Variants in AKAP10 observed in about 807,000 individuals in gnomAD.
AKAP10 encodes A-kinase anchor protein 10, mitochondrial.
Under a neutral mutation model 80.8 loss-of-function variants are expected in AKAP10, and 24 were observed. The ratio of observed to expected loss-of-function variants is 0.30; its 90% CI spans 0.22 to 0.42. The LOEUF (loss-of-function observed/expected upper bound fraction) is 0.42, where lower values mean the gene tolerates loss of function less well. Ranked by LOEUF, AKAP10 falls within the 10% of genes least tolerant of loss-of-function variation. AKAP10 has a pLI of 1.00. For missense variants in AKAP10, 661 were observed against 794.9 expected, an observed-to-expected ratio of 0.83 and a Z score of 2.03; for synonymous variants, 291 against 277.7, an observed-to-expected ratio of 1.05 and a Z score of -0.48.
chr17:19,959,350 T>G (rs572215075), intron 3 of AKAP10, among the ~76,000 whole-genome samples: 68 of 152,154 alleles, frequency 4.5e-4, no homozygotes, highest in Non-Finnish European at 8.7e-4. Flanking sequence ...TAGGCAACAC[T>G]CTCATTCGCT....
intron 5 of AKAP10, chr17:19,947,143 G>A (rs533276494): frequency 3.1e-5 from 13 of 421,678 alleles, no homozygotes; most frequent in African/African-American, 1.2e-4. Flanking sequence ...GCCGCCCGCC[G>A]GCCCGGCTGC....
intron 9 of AKAP10, among the ~76,000 whole-genome samples, chr17:19,932,631 C>A (rs2042948642): frequency 6.6e-6 from 1 of 151,978 alleles, no homozygotes; most frequent in Non-Finnish European, 1.5e-5. Context: ...AGTCTTTGTG[C>A]ATATATTGAT....
At chr17:19,956,175 G>GT (rs1478073830) in intron 4 of AKAP10, among the ~76,000 whole-genome samples, 4 of 152,162 alleles carry the variant, frequency 2.6e-5, no homozygotes, top group African/African-American at 9.7e-5. Flanking sequence ...TACAGGATCA[G>GT]TACGAGCACC....
At position 19,962,878 on chromosome 17, in the gene AKAP10, T is replaced by G; in HGVS notation, c.281A>C (p.Gln94Pro). 2 of 1,614,134 alleles carry G rather than the reference T, an allele frequency of 1.2e-6. No homozygotes were observed. The highest frequency in any genetic ancestry group is 1.7e-6 in the Non-Finnish European group (2 of 1,179,978). ...ATGAGCGGCCTCCATGTGGCTTGGC[T>G]GCTTCTTAAGTGTGGCTGTCCTGCT... ...SSSRTATLKK[Q>P]PSHMEAAHFG... is the part of the protein sequence containing the mutation. The change falls in exon 3 of 15, where the codon CAG becomes CCG. Residue 94 changes from glutamine to proline, a missense_variant. By Grantham distance (76) the Gln-to-Pro change is moderately conservative. Coordinates refer to ENST00000225737, the MANE Select transcript of AKAP10 (RefSeq NM_007202.4).
At position 19,958,478 on chromosome 17, in the gene AKAP10, T is replaced by G; in HGVS notation, c.413A>C (p.Tyr138Ser). 5.6e-6 allele frequency: 9 copies of G among 1,613,946 alleles called. No individual in the cohort carries two copies. Among genetic ancestry groups the G allele is most frequent in the Non-Finnish European group, 7.6e-6 (9 of 1,180,038 alleles). Residue 138 changes from tyrosine (Y) to serine (S), a missense_variant, in exon 4 of 15, where the codon TAC (tyrosine) becomes TCC (serine). Tyr to Ser is a moderately radical substitution (Grantham distance 144). Transcript: ENST00000225737. ...QVLHDTIVLP[Y>S]FIQFMELRRM... ...CCGAAGTTCCATGAATTGAATGAAG[T>G]AAGGGAGGACAATAGTGTCGTGCAA...
chr17:19,943,582 T>C lies in AKAP10; in HGVS notation c.977-1672A>G, dbSNP rs547960619. On this transcript the variant is annotated intron_variant, in intron 5 of 14. Transcript: ENST00000225737. ...ATACCTTGCCCATGCATCTCTTCCATCTGCCTGTTCAATCTGTATCCTTTG... is the reference window on the plus strand; with the variant it reads ...ATACCTTGCCCATGCATCTCTTCCACCTGCCTGTTCAATCTGTATCCTTTG... 4.6e-5 allele frequency among the ~76,000 whole-genome samples: 7 copies of C among 152,362 alleles called. No homozygotes were observed. The East Asian group carries it at 1.2e-3, about 25-fold the overall frequency.
chr17:19,946,477 A>C (rs1021662714), intron 5 of AKAP10, among the ~76,000 whole-genome samples: 10 of 148,050 alleles, frequency 6.8e-5, no homozygotes, highest in Non-Finnish European at 1.5e-4. Flanking sequence ...TTCATCTATA[A>C]AATAACTGTA....
At chr17:19,947,265 T>TA (rs1326692942) in intron 5 of AKAP10, 142 bp downstream of exon 5, 5 of 679,806 alleles carry the variant, frequency 7.4e-6, no homozygotes, top group Non-Finnish European at 1.3e-5. Flanking sequence ...TAATCCGATA[T>TA]AAAAAATACT....
intron 2 of AKAP10, among the ~76,000 whole-genome samples, chr17:19,966,341 G>T (rs1040154921): frequency 6.6e-6 from 1 of 151,940 alleles, no homozygotes; most frequent in Non-Finnish European, 1.5e-5. Context: ...TCTAGGCTAA[G>T]CCATCTGTGG....
intron 10 of AKAP10, among the ~76,000 whole-genome samples, chr17:19,928,054 T>C (rs1170722226): frequency 6.6e-6 from 1 of 151,798 alleles, no homozygotes. Context: ...ACCCTGTCAC[T>C]AGTAAAAATA....
intron 8 of AKAP10, 147 bp downstream of exon 8, chr17:19,939,566 C>G: frequency 1.1e-6 from 1 of 878,906 alleles, no homozygotes; most frequent in South Asian, 2.0e-5. Context: ...ACCCCCAAAG[C>G]TTTACAAACA....
In AKAP10 at chr17:19,911,780, A is replaced by G. The variant is rs551216610; in HGVS notation, c.1835-1802T>C. Among the ~76,000 whole-genome samples the G allele has an allele frequency of 2.4e-5, 3 of 126,452 alleles. No individual in the cohort carries two copies. In the South Asian group the frequency reaches 8.4e-4, roughly 35 times the overall value. The allele number at this position is 126,452 out of a possible 152,430, so 83.0% of individuals were successfully genotyped here. A position where few individuals can be genotyped will look rare whatever the true frequency, so the allele number is the denominator to read the frequency against. ...AACCTGGGAGGTGGAGGTTGTGGTG[A>G]GCCGAGATCACGCCATTGCACTCCA... On this transcript the variant is annotated intron_variant, in intron 12 of 14. Transcript: ENST00000225737.
chr17:19,933,558 T>C (rs1597501240), intron 9 of AKAP10, among the ~76,000 whole-genome samples: 1 of 152,196 alleles, frequency 6.6e-6, no homozygotes, highest in African/African-American at 2.4e-5. Context: ...GCATTTTAAT[T>C]TTATTACCCT....
chr17:19,976,016 G>A (rs1370195566), intron 1 of AKAP10, among the ~76,000 whole-genome samples: 2 of 152,098 alleles, frequency 1.3e-5, no homozygotes, highest in Admixed American at 6.6e-5. Context: ...TACCAAAACC[G>A]TGTACCCACT....
chr17:19,956,178 C>T (rs920581606), intron 4 of AKAP10, among the ~76,000 whole-genome samples: 2 of 152,126 alleles, frequency 1.3e-5, no homozygotes, highest in Non-Finnish European at 1.5e-5. Flanking sequence ...AGGATCAGTA[C>T]GAGCACCCAA....
At chr17:19,930,402 C>G (rs1453996081) in intron 10 of AKAP10, among the ~76,000 whole-genome samples, 4 of 152,034 alleles carry the variant, frequency 2.6e-5, no homozygotes, top group Admixed American at 2.6e-4. Context: ...TATGGTTTAA[C>G]ATATGAAAGC....
intron 10 of AKAP10, chr17:19,929,225 T>C (rs1013616448): frequency 2.0e-5 from 3 of 151,758 alleles, no homozygotes; most frequent in Non-Finnish European, 2.9e-5. Context: ...GGATTTGGAG[T>C]TTAAGTAAAG....
chr17:19,941,688 T>G (rs1205702481), intron 6 of AKAP10, 138 bp downstream of exon 6: 2 of 475,054 alleles, frequency 4.2e-6, no homozygotes, highest in Non-Finnish European at 3.4e-6. Context: ...CAAGATAGAG[T>G]ATGCTTTATA....
chr17:19,920,855 C>CAAAAAAAAAAAAAA lies in AKAP10; in HGVS notation c.1752-751_1752-738dup, dbSNP rs61148312. On this transcript the variant is annotated intron_variant, in intron 11 of 14. Coordinates refer to ENST00000225737, the MANE Select transcript of AKAP10 (RefSeq NM_007202.4). ...TGGGCAACAGAGCAAGACTCTATCTCAAAAAAAAAAAAAAAAAAAAAAAAA... is the reference window on the plus strand; with the variant it reads ...TGGGCAACAGAGCAAGACTCTATCTCAAAAAAAAAAAAAAAAAAAAAAAAAAAAAAAAAAAAAAA... Among the ~76,000 whole-genome samples the CAAAAAAAAAAAAAA allele has an allele frequency of 9.3e-4, 33 of 35,332 alleles. 2 individuals are homozygous for CAAAAAAAAAAAAAA. The highest frequency in any genetic ancestry group is 1.4e-3 in the African/African-American group (12 of 8,612). The allele number at this position is 35,332 out of a possible 152,430, so 23.2% of individuals were successfully genotyped here.
Sources: allele counts gnomAD v4.1 joint callset (sites outside exome capture counted in the v4.1 genomes callset), GRCh38; gene constraint gnomAD v4.1.1; transcripts MANE v1.5; gene names NCBI Gene and HGNC (gene_info 2026-07-23, HGNC 2026-07-21).